Variants in CHSY3 observed in about 807,000 individuals in gnomAD.
The protein encoded by CHSY3 is N-acetylgalactosaminyl-proteoglycan 3-beta-glucuronosyltransferase 3.
Under a neutral mutation model 67.2 loss-of-function variants are expected in CHSY3, and 35 were observed. The ratio of observed to expected loss-of-function variants is 0.52; its 90% CI spans 0.40 to 0.69. CHSY3 has a LOEUF of 0.69. Ranked by LOEUF, CHSY3 falls within the 30% of genes least tolerant of loss-of-function variation. CHSY3 has a pLI of 0.00. For synonymous variants in CHSY3, 474 were observed against 434.7 expected, an observed-to-expected ratio of 1.09 and a Z score of -1.12; for missense variants, 1,069 against 1,138.5, an observed-to-expected ratio of 0.94 and a Z score of 0.88.
intron 2 of CHSY3, among the ~76,000 whole-genome samples, chr5:129,984,680 A>C (rs1763122598): frequency 6.6e-6 from 1 of 152,078 alleles, no homozygotes; most frequent in South Asian, 2.1e-4. Context: ...TCTTGTCAGC[A>C]TATGTTATTT....
At chr5:129,927,746 C>T (rs1457491660) in intron 2 of CHSY3, among the ~76,000 whole-genome samples, 1 of 151,824 alleles carries the variant, frequency 6.6e-6, no homozygotes, top group Non-Finnish European at 1.5e-5. Context: ...TTTAAAGAAA[C>T]TGTATTTTCA....
intron 1 of CHSY3, among the ~76,000 whole-genome samples, chr5:129,906,884 T>C (rs376539255): frequency 9.0e-6 from 1 of 111,404 alleles, no homozygotes; most frequent in South Asian, 3.0e-4. Flanking sequence ...TGTTGCATTT[T>C]GGCACAAGGA....
chr5:130,170,581 T>C (rs551246574), intron 2 of CHSY3, among the ~76,000 whole-genome samples: 4 of 152,126 alleles, frequency 2.6e-5, no homozygotes, highest in Non-Finnish European at 5.9e-5. Context: ...TCCATGGAGG[T>C]TGAACTAATT....
intron 2 of CHSY3, among the ~76,000 whole-genome samples, chr5:130,101,928 G>T (rs961722748): frequency 6.6e-6 from 1 of 152,250 alleles, no homozygotes; most frequent in South Asian, 2.1e-4. Flanking sequence ...ATTTAAAGGA[G>T]TAGATTATTT....
chr5:130,185,031 G>A lies in CHSY3; in HGVS notation c.1889G>A (p.Arg630Lys). The change falls in exon 3 of 3, where the codon AGG (arginine) becomes AAG (lysine). Residue 630 changes from arginine (R) to lysine (K), a missense_variant. Around this residue, in one of 5 missense-constraint regions of CHSY3, gnomAD observed 401 missense variants for 395.2 expected, o/e 1.01. Transcript: ENST00000305031. ...CACATTCTCGTTCCTCTCATCGGAA[G>A]GTATGACATTTTCTTGAGATTCATG... ...KVHILVPLIG[R>K]YDIFLRFMEN... The A allele has an allele frequency of 6.3e-7, 1 of 1,587,214 alleles. No individual in the cohort carries two copies. The highest frequency in any genetic ancestry group is 8.7e-7 in the Non-Finnish European group (1 of 1,155,530).
chr5:130,089,873 A>G (rs138381194), intron 2 of CHSY3, among the ~76,000 whole-genome samples: 2 of 152,220 alleles, frequency 1.3e-5, no homozygotes, highest in African/African-American at 2.4e-5. Context: ...TACTGTCAGC[A>G]TGTGTCCAGA....
At chr5:130,142,556 A>G (rs1005137097) in intron 2 of CHSY3, among the ~76,000 whole-genome samples, 3 of 152,206 alleles carry the variant, frequency 2.0e-5, no homozygotes, top group Admixed American at 6.5e-5. Context: ...ATCTCTTTTT[A>G]AAGGGTTTTC....
intron 2 of CHSY3, among the ~76,000 whole-genome samples, chr5:130,060,518 A>G (rs1017916466): frequency 1.1e-4 from 16 of 152,064 alleles, no homozygotes; most frequent in African/African-American, 3.9e-4. Flanking sequence ...AAGGATAGCT[A>G]CTCTTAGCTC....
intron 2 of CHSY3, among the ~76,000 whole-genome samples, chr5:129,925,710 A>G (rs1761082100): frequency 1.3e-5 from 2 of 152,102 alleles, no homozygotes; most frequent in South Asian, 2.1e-4. Context: ...CCTTTGATCA[A>G]AATCTCCCAA....
At chr5:130,121,713 CAA>C (rs1205668692) in intron 2 of CHSY3, among the ~76,000 whole-genome samples, 1 of 152,068 alleles carries the variant, frequency 6.6e-6, no homozygotes, top group Non-Finnish European at 1.5e-5. Flanking sequence ...AAAACAAAAA[CAA>C]AAAGTGTATC....
chr5:129,905,483 G>T lies in CHSY3; in HGVS notation c.654G>T (p.Pro218=). Reference sequence around the variant, plus strand: ...AGCCCCCCAACGCCGGCCAGCCCCCGCCACCCCTGCCTGTCATCGCGCTAC... The same window carrying T: ...AGCCCCCCAACGCCGGCCAGCCCCCTCCACCCCTGCCTGTCATCGCGCTAC... ...SQQPPNAGQP[P]PPLPVIALPG... is the part of the protein sequence containing the mutation. The change falls in exon 1 of 3, where the codon CCG becomes CCT. Residue 218 remains proline (P), a synonymous_variant. Coordinates refer to ENST00000305031, the MANE Select transcript of CHSY3 (RefSeq NM_175856.5). 1 of 1,612,794 alleles carries T rather than the reference G, an allele frequency of 6.2e-7. No individual in the cohort carries two copies.
intron 2 of CHSY3, among the ~76,000 whole-genome samples, chr5:130,072,867 T>G (rs1384212063): frequency 4.6e-5 from 7 of 152,286 alleles, no homozygotes; most frequent in Admixed American, 1.3e-4. Context: ...TGGTGGACAT[T>G]ATGCTAAGTG....
At chr5:130,178,411 C>T (rs950804076) in intron 2 of CHSY3, among the ~76,000 whole-genome samples, 1 of 151,062 alleles carries the variant, frequency 6.6e-6, no homozygotes, top group Non-Finnish European at 1.5e-5. Flanking sequence ...CACCACCACG[C>T]CTGGCTAATT....
intron 2 of CHSY3, among the ~76,000 whole-genome samples, chr5:129,949,435 A>C (rs981136096): frequency 6.6e-6 from 1 of 152,194 alleles, no homozygotes; most frequent in Admixed American, 6.5e-5. Flanking sequence ...ATAAGGAGTA[A>C]GGAGACAGAA....
At chr5:129,922,918 A>G (rs757431077) in intron 2 of CHSY3, among the ~76,000 whole-genome samples, 1 of 152,198 alleles carries the variant, frequency 6.6e-6, no homozygotes, top group Non-Finnish European at 1.5e-5. Flanking sequence ...GATGATTCTA[A>G]TGAGCAGTCA....
At chr5:130,131,539 A>G (rs757974430) in intron 2 of CHSY3, among the ~76,000 whole-genome samples, 1 of 152,198 alleles carries the variant, frequency 6.6e-6, no homozygotes, top group East Asian at 1.9e-4. Flanking sequence ...ACCATCCTAT[A>G]TGGTAAATAC....
At chr5:129,969,384 A>G (rs760263418) in intron 2 of CHSY3, among the ~76,000 whole-genome samples, 14 of 151,900 alleles carry the variant, frequency 9.2e-5, no homozygotes, top group Non-Finnish European at 1.8e-4. Flanking sequence ...GCATTACTTA[A>G]TGTAATTAAA....
chr5:130,148,579 A>G (rs1013814256), intron 2 of CHSY3, among the ~76,000 whole-genome samples: 4 of 152,124 alleles, frequency 2.6e-5, no homozygotes, highest in African/African-American at 9.7e-5. Context: ...TGTTTTAATA[A>G]TAGCCATTCT....
intron 2 of CHSY3, among the ~76,000 whole-genome samples, chr5:129,989,628 T>C (rs896583206): frequency 2.0e-5 from 3 of 152,186 alleles, no homozygotes; most frequent in African/African-American, 7.2e-5. Flanking sequence ...TCCTTTCTGC[T>C]AAATTAGCTT....
Sources: allele counts gnomAD v4.1 joint callset (sites outside exome capture counted in the v4.1 genomes callset), GRCh38; gene constraint gnomAD v4.1.1; regional missense constraint gnomAD v4.1.1; transcripts MANE v1.5; gene names NCBI Gene and HGNC (gene_info 2026-07-23, HGNC 2026-07-21).